GK: variants seen among roughly 807,000 people sequenced by gnomAD.
The protein encoded by GK is ATP:glycerol 3-phosphotransferase.
Under a neutral mutation model 56.4 loss-of-function variants are expected in GK, and 9 were observed. The observed-to-expected ratio is 0.16, with a 90% CI of 0.10 to 0.28. The LOEUF is 0.28. Ranked by LOEUF, GK falls within the 10% of genes least tolerant of loss-of-function variation. GK has a pLI of 1.00. For missense variants in GK, 161 were observed against 431.4 expected (o/e 0.37, Z 5.55); for synonymous variants, 104 against 144.1 (o/e 0.72, Z 1.99).
At chrX:30,664,702 C>A (rs1329859986) in intron 1 of GK, among the ~76,000 whole-genome samples, 1 of 57,675 alleles carries the variant, frequency 1.7e-5, no homozygotes, top group East Asian at 6.0e-4. Flanking sequence ...ACTCTATTGC[C>A]TTTTTTTTTT....
At chrX:30,716,625 A>G (rs889001303) in intron 13 of GK, among the ~76,000 whole-genome samples, 3 of 112,145 alleles carry the variant, frequency 2.7e-5, no homozygotes, top group Non-Finnish European at 5.6e-5. Flanking sequence ...AGAAACTCTT[A>G]CATATTTACT....
At chrX:30,725,276 C>T (rs1451968396) in intron 19 of GK, among the ~76,000 whole-genome samples, 1 of 111,996 alleles carries the variant, frequency 8.9e-6, no homozygotes, top group Non-Finnish European at 1.9e-5. Flanking sequence ...GGAGAAGCTT[C>T]CAGAACTATC....
chrX:30,719,539 CT>C (rs1304500958), intron 15 of GK, 24 bp downstream of exon 15: 3 of 877,425 alleles, frequency 3.4e-6, no homozygotes, highest in Non-Finnish European at 5.0e-6. Context: ...ATATGGAGTG[CT>C]TTTGGGGATC....
intron 19 of GK, among the ~76,000 whole-genome samples, chrX:30,726,678 T>C (rs1324828374): frequency 8.9e-6 from 1 of 111,905 alleles, no homozygotes; most frequent in African/African-American, 3.2e-5. Flanking sequence ...GGAATAGTAA[T>C]AAAATGCTAG....
intron 1 of GK, among the ~76,000 whole-genome samples, chrX:30,664,415 G>A (rs979241444): frequency 1.5e-4 from 16 of 107,696 alleles, no homozygotes; most frequent in African/African-American, 5.4e-4. Flanking sequence ...GGCTAGGCTG[G>A]TCTCAAACTC....
At chrX:30,709,328 A>T (rs1936199972) in intron 13 of GK, among the ~76,000 whole-genome samples, 1 of 111,902 alleles carries the variant, frequency 8.9e-6, no homozygotes, top group African/African-American at 3.2e-5. Flanking sequence ...TCCCAATGTG[A>T]AAAACCTTCT....
In GK at chrX:30,729,637, G is replaced by A. The variant is rs1179776574; in HGVS notation, c.*895G>A. On this transcript the variant is annotated 3_prime_UTR_variant, in exon 21 of 21. Transcript: ENST00000427190. ...CAACGGTTATGCATAATATTTACCA[G>A]GAGAATTTTTTTCTTAACAAGCCAA... The A allele has an allele frequency of 8.9e-6, 1 of 112,306 alleles. No homozygotes were observed. The highest frequency in any genetic ancestry group is 1.9e-5 in the Non-Finnish European group (1 of 53,170). 9.3% of individuals were successfully genotyped at this position (112,306 alleles called of 1,213,427 possible).
intron 4 of GK, among the ~76,000 whole-genome samples, chrX:30,686,721 CT>C (rs1178345588): frequency 1.8e-5 from 2 of 110,778 alleles, no homozygotes; most frequent in Non-Finnish European, 3.8e-5. Context: ...ACTCTTCAAA[CT>C]TTTTTTTTCC....
chrX:30,664,602 T>C (rs1217042123), intron 1 of GK, among the ~76,000 whole-genome samples: 1 of 110,007 alleles, frequency 9.1e-6, no homozygotes, highest in Non-Finnish European at 1.9e-5. Flanking sequence ...TAATGTTTTA[T>C]ATCAAGGGTC....
At chrX:30,701,133 G>C (rs1210891581) in intron 11 of GK, among the ~76,000 whole-genome samples, 2 of 112,181 alleles carry the variant, frequency 1.8e-5, no homozygotes, top group Admixed American at 9.5e-5. Context: ...TTGTAGGCTG[G>C]GCGCGGTGGC....
At chrX:30,714,832 G>A (rs113242547) in intron 13 of GK, among the ~76,000 whole-genome samples, 5,927 of 111,789 alleles carry the variant, frequency 0.053, 170 homozygotes, top group Non-Finnish European at 0.077. Context: ...GTTCTTTCTT[G>A]AAAAGTATAC....
chrX:30,709,262 G>A (rs1017928250), intron 13 of GK, among the ~76,000 whole-genome samples: 1 of 111,413 alleles, frequency 9.0e-6, no homozygotes, highest in Non-Finnish European at 1.9e-5. Context: ...TAGAATACAG[G>A]TGCCTTAGAC....
At chrX:30,710,825 T>C (rs1438586895) in intron 13 of GK, among the ~76,000 whole-genome samples, 1 of 111,500 alleles carries the variant, frequency 9.0e-6, no homozygotes, top group East Asian at 2.8e-4. Context: ...CTCAGATTTT[T>C]AAGATATTGT....
At chrX:30,687,470 A>G (rs746813743) in intron 4 of GK, 17 of 338,937 alleles carry the variant, frequency 5.0e-5, no homozygotes, top group Non-Finnish European at 7.7e-5. Flanking sequence ...TAAATGGTCA[A>G]CAAGAGACCT....
At chrX:30,657,098 G>A (rs1482466388) in intron 1 of GK, among the ~76,000 whole-genome samples, 1 of 112,359 alleles carries the variant, frequency 8.9e-6, no homozygotes, top group African/African-American at 3.2e-5. Context: ...ATCCACCCAC[G>A]TTGGCCTCCC....
chrX:30,720,941 G>A lies in GK; in HGVS notation c.1447G>A (p.Glu483Lys). 1.7e-6 allele frequency: 2 copies of A among 1,210,997 alleles called. No homozygotes were observed. Among genetic ancestry groups the A allele is most frequent in the Admixed American group, 2.2e-5 (1 of 46,057 alleles). ...EGVGVWSLEP[E>K]DLSAVTMERF... ...AGTCGGCGTATGGAGTCTCGAACCC[G>A]AGGATTTGTCTGCCGTCACGATGGA... Residue 483 changes from glutamate (E) to lysine (K), a missense_variant, in exon 18 of 21, where the codon GAG (glutamate) becomes AAG (lysine). Glu to Lys is a moderately conservative substitution (Grantham distance 56). Coordinates refer to ENST00000427190, the MANE Select transcript of GK (RefSeq NM_001205019.2).
chrX:30,669,546 A>T (rs184643308), intron 3 of GK, among the ~76,000 whole-genome samples: 26 of 111,969 alleles, frequency 2.3e-4, no homozygotes, highest in African/African-American at 7.8e-4. Flanking sequence ...GGGAAAAAAA[A>T]TCCAGCCACC....
chrX:30,662,545 G>A lies in GK; in HGVS notation c.79-2966G>A, dbSNP rs779754013. 1.4e-4 allele frequency among the ~76,000 whole-genome samples: 16 copies of A among 111,489 alleles called. No individual in the cohort carries two copies. The South Asian group carries it at 5.7e-3, about 40-fold the overall frequency. On this transcript the variant is annotated intron_variant, in intron 1 of 20. Coordinates refer to ENST00000427190, the MANE Select transcript of GK (RefSeq NM_001205019.2). ...CCAAAGATCCATGAATTCATTTTTA[G>A]CATAAGGGCCCTGACGTTGCCCTAG...
intron 9 of GK, chrX:30,700,053 A>G (rs1257683019): frequency 6.7e-6 from 1 of 148,483 alleles, no homozygotes; most frequent in African/African-American, 3.1e-5. Flanking sequence ...GCAAAGTACT[A>G]ATGAACTTGA....
Sources: allele counts gnomAD v4.1 joint callset (sites outside exome capture counted in the v4.1 genomes callset), GRCh38; gene constraint gnomAD v4.1.1; transcripts MANE v1.5; gene names NCBI Gene and HGNC (gene_info 2026-07-23, HGNC 2026-07-21).